Variants in CNTNAP2 observed in about 807,000 individuals in gnomAD.
CNTNAP2 encodes the protein contactin associated protein 2, also known as contactin-associated protein-like 2.
In CNTNAP2, 98 loss-of-function variants were observed where a neutral mutation model predicts 155.2. The observed-to-expected ratio is 0.63, with a 90% confidence interval of 0.54 to 0.75. The LOEUF is 0.75. Among genes scored for constraint, CNTNAP2 ranks in the 30% least tolerant of loss-of-function variants. CNTNAP2 has a pLI of 0.00. For synonymous variants in CNTNAP2, 651 were observed against 631.2 expected, an observed-to-expected ratio of 1.03 and a Z score of -0.47; for missense variants, 1,727 against 1,688.1, an observed-to-expected ratio of 1.02 and a Z score of -0.40.
intron 1 of CNTNAP2, among the ~76,000 whole-genome samples, chr7:146,174,734 C>T (rs574880491): frequency 2.6e-4 from 40 of 151,876 alleles, no homozygotes; most frequent in Middle Eastern, 3.4e-3. Context: ...CCCAGCTACT[C>T]GGGAGGCTGA....
At chr7:147,885,279 C>G (rs892371015) in intron 13 of CNTNAP2, among the ~76,000 whole-genome samples, 1 of 152,158 alleles carries the variant, frequency 6.6e-6, no homozygotes, top group Non-Finnish European at 1.5e-5. Flanking sequence ...CTTTTCTGGA[C>G]TCTCCTGGTC....
chr7:146,346,715 A>T lies in CNTNAP2; in HGVS notation c.97+229742A>T, dbSNP rs578045641. Among the ~76,000 whole-genome samples, 94 of 152,160 alleles carry T rather than the reference A, an allele frequency of 6.2e-4. 1 individual carries two copies. Among genetic ancestry groups the T allele is most frequent in the Middle Eastern group, 6.8e-3 (2 of 294 alleles). On this transcript the variant is annotated intron_variant, in intron 1 of 23. Transcript: ENST00000361727. ...GAGCAAGACTCGGTCCAAAGGAAAA[A>T]AAAAGAAAAAGAGAGACAGAGAGAA...
chr7:147,964,674 G>C (rs954034697), intron 14 of CNTNAP2, among the ~76,000 whole-genome samples: 31 of 152,192 alleles, frequency 2.0e-4, no homozygotes, highest in African/African-American at 7.2e-4. Flanking sequence ...CTCCTTTTGA[G>C]GCATTTTCTC....
intron 11 of CNTNAP2, among the ~76,000 whole-genome samples, chr7:147,521,971 A>C (rs1799236664): frequency 6.6e-6 from 1 of 152,230 alleles, no homozygotes; most frequent in African/African-American, 2.4e-5. Flanking sequence ...GCTTATAAAT[A>C]ACAGAACCTT....
At chr7:147,110,041 C>T (rs1171268334) in intron 5 of CNTNAP2, among the ~76,000 whole-genome samples, 1 of 152,130 alleles carries the variant, frequency 6.6e-6, no homozygotes, top group African/African-American at 2.4e-5. Context: ...GCTCCTGCCT[C>T]AGCCTCCCGA....
chr7:146,878,347 A>G (rs148892212), intron 3 of CNTNAP2, among the ~76,000 whole-genome samples: 65 of 150,276 alleles, frequency 4.3e-4, no homozygotes, highest in Middle Eastern at 3.4e-3. Context: ...TTTTTTTTCT[A>G]TAATGCTAAC....
intron 14 of CNTNAP2, among the ~76,000 whole-genome samples, chr7:147,969,483 C>A (rs551259590): frequency 3.3e-5 from 5 of 152,266 alleles, no homozygotes; most frequent in Non-Finnish European, 7.4e-5. Flanking sequence ...TTGTTGGGAC[C>A]TACTGCAGGG....
chr7:147,090,809 T>C (rs989579857), intron 4 of CNTNAP2, among the ~76,000 whole-genome samples: 2 of 152,276 alleles, frequency 1.3e-5, no homozygotes, highest in African/African-American at 4.8e-5. Context: ...TTACATAAAT[T>C]TTAAGTGATT....
chr7:146,299,961 G>A (rs778071831), intron 1 of CNTNAP2, among the ~76,000 whole-genome samples: 7 of 152,116 alleles, frequency 4.6e-5, no homozygotes, highest in Non-Finnish European at 8.8e-5. Flanking sequence ...GTTAGAAAGA[G>A]CCATTATACA....
At chr7:147,326,510 T>C (rs949921534) in intron 9 of CNTNAP2, among the ~76,000 whole-genome samples, 1 of 152,234 alleles carries the variant, frequency 6.6e-6, no homozygotes, top group African/African-American at 2.4e-5. Context: ...CAAATATTTG[T>C]TTGAGCCTCT....
chr7:146,331,029 G>T (rs1801175803), intron 1 of CNTNAP2, among the ~76,000 whole-genome samples: 1 of 152,152 alleles, frequency 6.6e-6, no homozygotes, highest in Non-Finnish European at 1.5e-5. Context: ...TCATGGCCGG[G>T]CGCGGTGGCT....
intron 3 of CNTNAP2, among the ~76,000 whole-genome samples, chr7:146,958,936 C>T (rs990873469): frequency 1.3e-5 from 2 of 151,958 alleles, no homozygotes; most frequent in African/African-American, 2.4e-5. Flanking sequence ...ATAAGATTGT[C>T]GTTTCTATCA....
rs1444367740 is a variant in CNTNAP2 at position 148,411,226 on chromosome 7, A to G, written c.3796+1755A>G. ...TTTTTTAAATGAACTTAATTGAAGT[A>G]TAATACGCATCTATAAGTGTAACAA... On this transcript the variant is annotated intron_variant, in intron 23 of 23. Transcript: ENST00000361727. 5.9e-5 allele frequency among the ~76,000 whole-genome samples: 9 copies of G among 152,278 alleles called. No homozygotes were observed. The South Asian group carries it at 1.5e-3, about 25-fold the overall frequency.
At chr7:146,992,557 A>G (rs1176090037) in intron 3 of CNTNAP2, among the ~76,000 whole-genome samples, 2 of 152,094 alleles carry the variant, frequency 1.3e-5, no homozygotes, top group Non-Finnish European at 2.9e-5. Context: ...TCCACCCCAG[A>G]ACAGGAGAGG....
At chr7:146,482,121 C>T (rs901221348) in intron 1 of CNTNAP2, among the ~76,000 whole-genome samples, 2 of 149,212 alleles carry the variant, frequency 1.3e-5, no homozygotes, top group African/African-American at 2.5e-5. Flanking sequence ...TCACAAGACT[C>T]CAACCAAGAT....
chr7:146,707,899 G>A (rs919876202), intron 1 of CNTNAP2, among the ~76,000 whole-genome samples: 1 of 151,998 alleles, frequency 6.6e-6, no homozygotes, highest in African/African-American at 2.4e-5. Flanking sequence ...ATGTAGGGTA[G>A]GCATAGCACT....
intron 9 of CNTNAP2, among the ~76,000 whole-genome samples, chr7:147,393,631 A>T (rs2116449512): frequency 6.6e-6 from 1 of 152,174 alleles, no homozygotes; most frequent in Admixed American, 6.6e-5. Context: ...GTGTGCACGC[A>T]ACTGGTATAA....
At chr7:148,017,615 C>G (rs1802202936) in intron 15 of CNTNAP2, among the ~76,000 whole-genome samples, 2 of 152,096 alleles carry the variant, frequency 1.3e-5, no homozygotes, top group Non-Finnish European at 2.9e-5. Flanking sequence ...TAAGTAGTAG[C>G]CAATTGGTAA....
intron 2 of CNTNAP2, among the ~76,000 whole-genome samples, chr7:146,801,302 A>G (rs897868997): frequency 6.6e-6 from 1 of 152,140 alleles, no homozygotes; most frequent in Non-Finnish European, 1.5e-5. Context: ...CACCCCCATG[A>G]TCCAAACATC....
Sources: gnomAD v4.1 joint callset for allele counts (sites outside exome capture counted in the v4.1 genomes callset) on GRCh38, gnomAD v4.1.1 for gene constraint, MANE v1.5 for transcripts, NCBI Gene and HGNC (gene_info 2026-07-23, HGNC 2026-07-21) for gene names.